PLCB4: variants seen among roughly 807,000 people sequenced by gnomAD.
PLCB4 encodes the protein 1-phosphatidylinositol 4,5-bisphosphate phosphodiesterase beta-4.
In PLCB4, 77 loss-of-function variants were observed where a neutral mutation model predicts 178.8. That is an observed-to-expected ratio of 0.43 (90% CI 0.36 to 0.52). The LOEUF is 0.52. Among genes scored for constraint, PLCB4 ranks in the 20% least tolerant of loss-of-function variants. The pLI is 0.00. For missense variants in PLCB4, 1,024 were observed against 1,453.4 expected, an observed-to-expected ratio of 0.70 and a Z score of 4.80; for synonymous variants, 496 against 490.8, an observed-to-expected ratio of 1.01 and a Z score of -0.14.
Position 9,444,021 on chromosome 20 carries a change from G to T in PLCB4, c.2805G>T (p.Lys935Asn). 6.2e-7 allele frequency: 1 copy of T among 1,601,556 alleles called. No individual in the cohort carries two copies. The highest frequency in any genetic ancestry group is 1.1e-5 in the South Asian group (1 of 89,498). ...LIPQVRIEDL[K>N]QMKAYLKHLK... ...CTCAAGTAAGGATAGAAGACTTAAA[G>T]CAGATGAAGGTAAAATTGCTTGACT... The change falls in exon 31 of 40, where the codon AAG becomes AAT. Residue 935 changes from lysine (K) to asparagine (N), a missense_variant. Coordinates refer to ENST00000378473, the MANE Select transcript of PLCB4 (RefSeq NM_001377142.1).
rs1296567917 is a variant in PLCB4, at chr20:9,132,679, A to T, written c.-79+36337A>T. On this transcript the variant is annotated intron_variant, in intron 2 of 39. Coordinates refer to ENST00000378473, the MANE Select transcript of PLCB4 (RefSeq NM_001377142.1). ...ACAGATATGTGGATTCTTCTATTGG[A>T]TTTATCGTTTGCGATGCCCACCACT... Among the ~76,000 whole-genome samples, 3 of 152,112 alleles carry T rather than the reference A, an allele frequency of 2.0e-5. No homozygotes were observed. In the East Asian group the frequency reaches 5.8e-4, roughly 29 times the overall value.
At chr20:9,298,067 G>A (rs1167440739) in intron 3 of PLCB4, among the ~76,000 whole-genome samples, 1 of 152,080 alleles carries the variant, frequency 6.6e-6, no homozygotes, top group African/African-American at 2.4e-5. Flanking sequence ...AAGCTGGAAG[G>A]TCAATCTCTG....
At chr20:9,445,400 C>G (rs896385525) in intron 32 of PLCB4, among the ~76,000 whole-genome samples, 2 of 152,198 alleles carry the variant, frequency 1.3e-5, no homozygotes, top group Non-Finnish European at 2.9e-5. Context: ...GCATGTCCTT[C>G]AGAACTTGGC....
chr20:9,151,460 G>A (rs896540586), intron 2 of PLCB4, among the ~76,000 whole-genome samples: 2 of 152,040 alleles, frequency 1.3e-5, no homozygotes, highest in Non-Finnish European at 2.9e-5. Context: ...AATCATGGGG[G>A]TTGGTCTTTG....
chr20:9,325,619 G>C (rs758990941), intron 4 of PLCB4, among the ~76,000 whole-genome samples: 5 of 152,072 alleles, frequency 3.3e-5, no homozygotes, highest in African/African-American at 7.2e-5. Flanking sequence ...ATTCAAACTG[G>C]CCTGCCTCAC....
intron 2 of PLCB4, among the ~76,000 whole-genome samples, chr20:9,190,000 C>T (rs775923982): frequency 6.6e-6 from 1 of 152,186 alleles, no homozygotes; most frequent in Non-Finnish European, 1.5e-5. Context: ...CTAACAGTGT[C>T]TCCAGACATT....
intron 36 of PLCB4, among the ~76,000 whole-genome samples, chr20:9,471,074 T>C (rs2276486): frequency 0.092 from 14,066 of 152,208 alleles, 813 homozygotes; most frequent in East Asian, 0.3. Flanking sequence ...AAAGAAGACA[T>C]TTTAACAGAA....
chr20:9,132,425 C>T (rs1365259824), intron 2 of PLCB4, among the ~76,000 whole-genome samples: 6 of 152,152 alleles, frequency 3.9e-5, no homozygotes, highest in Admixed American at 3.9e-4. Flanking sequence ...CTCTTTTATT[C>T]ATTCAGGTTG....
At chr20:9,214,919 T>C (rs563723297) in intron 2 of PLCB4, among the ~76,000 whole-genome samples, 3 of 152,296 alleles carry the variant, frequency 2.0e-5, no homozygotes, top group South Asian at 2.1e-4. Context: ...TTATGTTAGA[T>C]AGTTGCTAGG....
At chr20:9,371,334 T>C in intron 10 of PLCB4, 39 bp downstream of exon 10, 1 of 1,107,440 alleles carries the variant, frequency 9.0e-7, no homozygotes, top group South Asian at 1.3e-5. Context: ...AAAACCATTT[T>C]GTTTATTTAT....
intron 3 of PLCB4, among the ~76,000 whole-genome samples, chr20:9,283,145 T>C (rs1310968714): frequency 6.6e-6 from 1 of 151,932 alleles, no homozygotes; most frequent in Non-Finnish European, 1.5e-5. Context: ...GTGGTAAATA[T>C]ATCCCCCCAG....
chr20:9,332,110 G>A (rs968878078), intron 4 of PLCB4, among the ~76,000 whole-genome samples: 7 of 152,168 alleles, frequency 4.6e-5, no homozygotes, highest in African/African-American at 1.7e-4. Flanking sequence ...CTTATGGTTT[G>A]TTTCTTTACC....
chr20:9,301,401 A>G (rs1048312252), intron 3 of PLCB4, among the ~76,000 whole-genome samples: 2 of 151,868 alleles, frequency 1.3e-5, no homozygotes, highest in African/African-American at 2.4e-5. Context: ...GAAAGTATTG[A>G]CCTAAACTGG....
At position 9,453,335 on chromosome 20, in the gene PLCB4, C is replaced by T. The variant is rs752489660; in HGVS notation, c.2881-12C>T. ...AGAGTCCAATTCATAACTGCAAATC[C>T]TTCTTGTTCAGGAACACAGTACCAT... On this transcript the variant is annotated splice_polypyrimidine_tract_variant and intron_variant, in intron 32 of 39. Coordinates refer to ENST00000378473, the MANE Select transcript of PLCB4 (RefSeq NM_001377142.1). 15 of 1,539,642 alleles carry T rather than the reference C, an allele frequency of 9.7e-6. No homozygotes were observed. The highest frequency in any genetic ancestry group is 8.4e-5 in the Admixed American group (5 of 59,468).
At chr20:9,118,084 CA>C (rs1245434896) in intron 2 of PLCB4, among the ~76,000 whole-genome samples, 2 of 151,982 alleles carry the variant, frequency 1.3e-5, no homozygotes, top group Non-Finnish European at 2.9e-5. Context: ...TGGCATCCTA[CA>C]AACATTAAAA....
intron 2 of PLCB4, among the ~76,000 whole-genome samples, chr20:9,170,107 C>T (rs958630096): frequency 6.6e-6 from 1 of 152,170 alleles, no homozygotes; most frequent in Non-Finnish European, 1.5e-5. Flanking sequence ...ATTACCACCA[C>T]CGGAGAAAGT....
intron 2 of PLCB4, among the ~76,000 whole-genome samples, chr20:9,106,969 A>G (rs2146665773): frequency 6.6e-6 from 1 of 152,332 alleles, no homozygotes; most frequent in African/African-American, 2.4e-5. Flanking sequence ...TCATTAAATA[A>G]TTAAGCAAAT....
At chr20:9,397,580 A>C (rs1271172423) in intron 19 of PLCB4, among the ~76,000 whole-genome samples, 1 of 152,238 alleles carries the variant, frequency 6.6e-6, no homozygotes, top group Non-Finnish European at 1.5e-5. Context: ...AAGTTGGAAG[A>C]ATTAACTAAC....
At chr20:9,303,494 G>A (rs536036883) in intron 3 of PLCB4, among the ~76,000 whole-genome samples, 15 of 152,276 alleles carry the variant, frequency 9.9e-5, no homozygotes, top group African/African-American at 3.1e-4. Flanking sequence ...TTCCATCCAT[G>A]TTGTCACAAA....
Sources: allele counts gnomAD v4.1 joint callset (sites outside exome capture counted in the v4.1 genomes callset), GRCh38; gene constraint gnomAD v4.1.1; transcripts MANE v1.5; gene names NCBI Gene and HGNC (gene_info 2026-07-23, HGNC 2026-07-21).